The following CSMD1 variants were observed in gnomAD, a reference collection of about 807,000 sequenced individuals.
CSMD1 encodes CUB and Sushi multiple domains 1.
In CSMD1, 213 loss-of-function variants were observed where a neutral mutation model predicts 417.5. The observed-to-expected ratio is 0.51, with a 90% confidence interval of 0.46 to 0.57. The LOEUF is 0.57. CSMD1 is among the 20% of genes least tolerant of loss of function. CSMD1 has a pLI of 0.00. For missense variants in CSMD1, 6,923 were observed against 4,529.7 expected (o/e 1.53, Z -15.17); for synonymous variants, 2,862 against 1,736.8 (o/e 1.65, Z -16.11).
intron 2 of CSMD1, among the ~76,000 whole-genome samples, chr8:4,631,645 T>A (rs976287864): frequency 8.5e-5 from 13 of 152,204 alleles, no homozygotes; most frequent in Non-Finnish European, 1.6e-4. Flanking sequence ...AAACTGTTTT[T>A]AAAAATATTT....
intron 5 of CSMD1, among the ~76,000 whole-genome samples, chr8:3,927,794 A>G (rs549673757): frequency 6.6e-6 from 1 of 152,206 alleles, no homozygotes; most frequent in African/African-American, 2.4e-5. Flanking sequence ...AATCTACCAA[A>G]TATTTTAGTT....
At chr8:4,825,345 G>A (rs531785374) in intron 1 of CSMD1, among the ~76,000 whole-genome samples, 13 of 152,118 alleles carry the variant, frequency 8.5e-5, no homozygotes, top group Admixed American at 2.0e-4. Flanking sequence ...TCTTGTGTGC[G>A]GTAAGAACAC....
intron 1 of CSMD1, among the ~76,000 whole-genome samples, chr8:4,988,015 G>A (rs922184280): frequency 2.0e-5 from 3 of 152,118 alleles, no homozygotes; most frequent in Non-Finnish European, 4.4e-5. Flanking sequence ...TTGTGCTCCT[G>A]TGAGTCAGTA....
At chr8:3,552,706 A>C (rs1284734571) in intron 10 of CSMD1, among the ~76,000 whole-genome samples, 1 of 152,218 alleles carries the variant, frequency 6.6e-6, no homozygotes, top group African/African-American at 2.4e-5. Context: ...CTGAAGTTTT[A>C]GACTACGAAA....
chr8:3,763,071 T>C (rs955886341), intron 5 of CSMD1, among the ~76,000 whole-genome samples: 1 of 152,198 alleles, frequency 6.6e-6, no homozygotes, highest in African/African-American at 2.4e-5. Flanking sequence ...GCCTGTCCTA[T>C]TCTCACGGTC....
At chr8:3,720,986 A>AT (rs112727270) in intron 6 of CSMD1, among the ~76,000 whole-genome samples, 8,393 of 151,196 alleles carry the variant, frequency 0.056, 265 homozygotes, top group Middle Eastern at 0.15. Context: ...CGGCTAATTT[A>AT]TTTTTTTTGT....
Position 3,764,037 on chromosome 8 carries a change from C to A in CSMD1, c.819-9995G>T, listed in dbSNP as rs115817379. Among the ~76,000 whole-genome samples the A allele has an allele frequency of 4.1e-3, 628 of 152,200 alleles. 4 individuals carry two copies. The highest frequency in any genetic ancestry group is 0.015 in the African/African-American group (603 of 41,532). On this transcript the variant is annotated intron_variant, in intron 5 of 69. Coordinates refer to ENST00000635120, the MANE Select transcript of CSMD1 (RefSeq NM_033225.6). ...AGCAGGTGTTTGGCACACAGCCACC[C>A]CTTGTTTCAGGATTTCTGGAGGCCA...
chr8:4,869,523 G>C (rs1424617216), intron 1 of CSMD1, among the ~76,000 whole-genome samples: 1 of 152,140 alleles, frequency 6.6e-6, no homozygotes, highest in Non-Finnish European at 1.5e-5. Flanking sequence ...ATCTAGGATA[G>C]TGTATCTATT....
At chr8:4,657,231 G>A (rs1465186610) in intron 1 of CSMD1, among the ~76,000 whole-genome samples, 1 of 152,172 alleles carries the variant, frequency 6.6e-6, no homozygotes, top group Non-Finnish European at 1.5e-5. Context: ...ACCTGGTTGA[G>A]CAGTAGTTTC....
intron 3 of CSMD1, among the ~76,000 whole-genome samples, chr8:4,185,326 G>A (rs1254140259): frequency 6.6e-6 from 1 of 151,936 alleles, no homozygotes; most frequent in African/African-American, 2.4e-5. Context: ...CTTAAAAAGG[G>A]CTCACAATAG....
intron 3 of CSMD1, among the ~76,000 whole-genome samples, chr8:4,370,286 G>T (rs1244774077): frequency 6.6e-6 from 1 of 151,886 alleles, no homozygotes; most frequent in African/African-American, 2.4e-5. Context: ...TTCCCAGTTT[G>T]TAAGGTTTGT....
At chr8:4,297,276 G>A (rs1009633102) in intron 3 of CSMD1, among the ~76,000 whole-genome samples, 3 of 152,162 alleles carry the variant, frequency 2.0e-5, no homozygotes, top group East Asian at 3.9e-4. Context: ...AAGGCTATAT[G>A]AAGAAACAGC....
chr8:3,782,484 A>G (rs1799234661), intron 5 of CSMD1, among the ~76,000 whole-genome samples: 1 of 152,210 alleles, frequency 6.6e-6, no homozygotes, highest in Admixed American at 6.5e-5. Context: ...ATCTAATAAA[A>G]TCAAGTGCTT....
intron 3 of CSMD1, among the ~76,000 whole-genome samples, chr8:4,115,010 T>C (rs1420698036): frequency 2.0e-5 from 3 of 152,224 alleles, no homozygotes; most frequent in Admixed American, 2.0e-4. Flanking sequence ...ACCTAGTTGA[T>C]AATGCAGAAG....
chr8:3,758,855 G>A (rs1038220535), intron 5 of CSMD1, among the ~76,000 whole-genome samples: 3 of 152,102 alleles, frequency 2.0e-5, no homozygotes, highest in East Asian at 3.9e-4. Flanking sequence ...AGATTATTGA[G>A]TGGGCCCAAT....
At chr8:2,972,223 A>G (rs1402667163) in intron 57 of CSMD1, among the ~76,000 whole-genome samples, 1 of 152,188 alleles carries the variant, frequency 6.6e-6, no homozygotes, top group East Asian at 1.9e-4. Context: ...TGGAGACAGT[A>G]TAGTCAAGGA....
intron 1 of CSMD1, among the ~76,000 whole-genome samples, chr8:4,805,697 G>C (rs984815197): frequency 6.6e-6 from 1 of 152,180 alleles, no homozygotes; most frequent in Non-Finnish European, 1.5e-5. Flanking sequence ...GCAGATGACA[G>C]AACAGACCTC....
At chr8:3,318,570 C>G (rs1805936994) in intron 23 of CSMD1, among the ~76,000 whole-genome samples, 1 of 152,138 alleles carries the variant, frequency 6.6e-6, no homozygotes, top group South Asian at 2.1e-4. Flanking sequence ...TTATTAAGCG[C>G]TTAATATGCA....
rs1810886771 is a variant in CSMD1 at position 3,384,807 on chromosome 8, A to ATAATATATATAAATATATGCTATT, written c.2782+2686_2782+2687insAATAGCATATATTTATATATATTA. 5.6e-5 allele frequency among the ~76,000 whole-genome samples: 7 copies of ATAATATATATAAATATATGCTATT among 124,200 alleles called. No individual in the cohort carries two copies. In the Admixed American group the frequency reaches 6.8e-4, roughly 12 times the overall value. 81.5% of individuals were successfully genotyped at this position (124,200 alleles called of 152,430 possible). On this transcript the variant is annotated intron_variant, in intron 18 of 69. Coordinates refer to ENST00000635120, the MANE Select transcript of CSMD1 (RefSeq NM_033225.6). ...ATATATATTAATATATGCTATTTAT[A>ATAATATATATAAATATATGCTATT]TATAAATATATAATTAAATAAAATA...
Sources: gnomAD v4.1 joint callset for allele counts (sites outside exome capture counted in the v4.1 genomes callset) on GRCh38, gnomAD v4.1.1 for gene constraint, MANE v1.5 for transcripts, NCBI Gene and HGNC (gene_info 2026-07-23, HGNC 2026-07-21) for gene names.